Variants in SORL1 observed in about 807,000 individuals in gnomAD.
The protein encoded by SORL1 is sortilin-related receptor.
Under a neutral mutation model 273.7 loss-of-function variants are expected in SORL1, and 127 were observed. That is an observed-to-expected ratio of 0.46 (90% CI 0.40 to 0.54). The LOEUF is 0.54. SORL1 is among the 20% of genes least tolerant of loss of function. The pLI is 0.00. For missense variants in SORL1, 2,494 were observed against 2,846.1 expected, an observed-to-expected ratio of 0.88 and a Z score of 2.81; for synonymous variants, 1,031 against 1,067.4, an observed-to-expected ratio of 0.97 and a Z score of 0.66.
chr11:121,514,095 A>T (rs959825230), intron 7 of SORL1, 57 bp from the exon 8 acceptor site: 1 of 1,560,304 alleles, frequency 6.4e-7, no homozygotes, highest in Non-Finnish European at 8.7e-7. Context: ...TGTATAGTAA[A>T]AGCCCACAGG....
intron 11 of SORL1, 66 bp downstream of exon 11, chr11:121,523,055 T>A: frequency 9.2e-7 from 1 of 1,087,466 alleles, no homozygotes; most frequent in Non-Finnish European, 1.4e-6. Context: ...ATGTAGACTG[T>A]GCCTTGGCAT....
At chr11:121,606,588 A>G (rs1863476307) in intron 35 of SORL1, among the ~76,000 whole-genome samples, 1 of 152,194 alleles carries the variant, frequency 6.6e-6, no homozygotes, top group Non-Finnish European at 1.5e-5. Context: ...AAGTGATTCT[A>G]TCCTGCAGCC....
intron 5 of SORL1, among the ~76,000 whole-genome samples, chr11:121,493,476 T>C (rs618580): frequency 0.68 from 103,789 of 151,876 alleles, 37,354 homozygotes; most frequent in Non-Finnish European, 0.8. Flanking sequence ...AGGCTGGTCT[T>C]GAACTCCCAA....
rs141251173 is a variant in SORL1, at chr11:121,499,684, G to T, written c.939+2635G>T. Among the ~76,000 whole-genome samples, 27 of 152,312 alleles carry T rather than the reference G, an allele frequency of 1.8e-4. 1 individual carries two copies. Among genetic ancestry groups the T allele is most frequent in the Admixed American group, 1.4e-3 (22 of 15,302 alleles). On this transcript the variant is annotated intron_variant, in intron 6 of 47. Coordinates refer to ENST00000260197, the MANE Select transcript of SORL1 (RefSeq NM_003105.6). Reference sequence around the variant, plus strand: ...CTAAACGACAAGGATAAACAAAGTTGGCCTCGGTCAGATAATCCCCTCCCA... The same window carrying T: ...CTAAACGACAAGGATAAACAAAGTTTGCCTCGGTCAGATAATCCCCTCCCA...
At chr11:121,476,569 TTGTC>T (rs1222710766) in intron 2 of SORL1, among the ~76,000 whole-genome samples, 8 of 152,352 alleles carry the variant, frequency 5.3e-5, no homozygotes, top group South Asian at 4.1e-4. Context: ...TTATTAGTCT[TTGTC>T]TGTCTGGTGT....
In SORL1 at chr11:121,605,438, C is replaced by G. The variant is rs1863454605; in HGVS notation, c.4815C>G (p.Thr1605=). The part of the protein sequence containing the change: ...VGESIWKTLE[T]HSNKTNTVLK... ...AGAGCATATGGAAGACTCTGGAGAC[C>G]CACAGCAATAAGACAAACACTGTAT... The change falls in exon 35 of 48, where the codon ACC becomes ACG. Residue 1605 remains threonine, a synonymous_variant. Transcript: ENST00000260197. The G allele has an allele frequency of 1.2e-6, 2 of 1,613,702 alleles. No homozygotes were observed. Among genetic ancestry groups the G allele is most frequent in the African/African-American group, 2.7e-5 (2 of 74,954 alleles).
Position 121,520,859 on chromosome 11 carries a change from C to A in SORL1, c.1404+10C>A. 1 of 1,558,896 alleles carries A rather than the reference C, an allele frequency of 6.4e-7. No homozygotes were observed. Among genetic ancestry groups the A allele is most frequent in the South Asian group, 1.2e-5 (1 of 82,708 alleles). On this transcript the variant is annotated intron_variant, in intron 9 of 47. Transcript: ENST00000260197. ...GAAAATCAATTGTGAGGTATTGATG[C>A]TTTAATCTTCTTTTGCTTTTTAATA...
chr11:121,472,256 A>T (rs1208109062), intron 2 of SORL1, among the ~76,000 whole-genome samples: 2 of 152,216 alleles, frequency 1.3e-5, no homozygotes, highest in Non-Finnish European at 2.9e-5. Flanking sequence ...CACAGGAGAT[A>T]TATATACTGT....
At chr11:121,606,803 C>A in intron 35 of SORL1, 42 bp from the exon 36 acceptor site, 1 of 1,349,018 alleles carries the variant, frequency 7.4e-7, no homozygotes, top group Non-Finnish European at 1.0e-6. Context: ...TGGTTGGCTG[C>A]TATGCAGATG....
intron 16 of SORL1, among the ~76,000 whole-genome samples, chr11:121,553,663 T>G (rs1343909836): frequency 3.3e-5 from 5 of 152,192 alleles, no homozygotes; most frequent in Non-Finnish European, 7.3e-5. Context: ...TGTTGAAGCA[T>G]GCATATTGGG....
At chr11:121,470,204 A>G in intron 2 of SORL1, 81 bp downstream of exon 2, 1 of 882,714 alleles carries the variant, frequency 1.1e-6, no homozygotes, top group Non-Finnish European at 1.9e-6. Flanking sequence ...TCATACTGGA[A>G]AAAGTAGTGG....
chr11:121,539,033 G>A (rs555635168), intron 12 of SORL1, among the ~76,000 whole-genome samples: 1 of 152,184 alleles, frequency 6.6e-6, no homozygotes, highest in African/African-American at 2.4e-5. Flanking sequence ...AAATTTGGCA[G>A]ATTCGCCTTC....
chr11:121,542,923 A>C (rs1037593109), intron 12 of SORL1, among the ~76,000 whole-genome samples: 3 of 151,416 alleles, frequency 2.0e-5, no homozygotes, highest in Admixed American at 2.0e-4. Flanking sequence ...CATGACTGTA[A>C]TCCCAGCACT....
chr11:121,458,629 A>G (rs2134765740), intron 1 of SORL1, among the ~76,000 whole-genome samples: 1 of 152,324 alleles, frequency 6.6e-6, no homozygotes, highest in South Asian at 2.1e-4. Flanking sequence ...CGTACATGCA[A>G]AAATCAATTT....
intron 12 of SORL1, among the ~76,000 whole-genome samples, chr11:121,539,007 G>C (rs908868812): frequency 6.6e-6 from 1 of 152,268 alleles, no homozygotes; most frequent in Admixed American, 6.5e-5. Flanking sequence ...TATACAATTA[G>C]CCTTTTACCC....
At chr11:121,479,944 A>G (rs772136494) in intron 3 of SORL1, among the ~76,000 whole-genome samples, 23 of 152,222 alleles carry the variant, frequency 1.5e-4, no homozygotes, top group Non-Finnish European at 3.2e-4. Context: ...TAGACGGGTC[A>G]GCCAGCCTTT....
intron 1 of SORL1, among the ~76,000 whole-genome samples, chr11:121,463,844 G>A (rs57155104): frequency 0.11 from 16,877 of 152,178 alleles, 1,094 homozygotes; most frequent in African/African-American, 0.18. Flanking sequence ...GCTAAATATA[G>A]TGAGAACACA....
chr11:121,590,417 T>G, intron 30 of SORL1: 1 of 511,256 alleles, frequency 2.0e-6, no homozygotes, highest in Non-Finnish European at 3.5e-6. Context: ...GCCTTCCTAC[T>G]CAAAGTATGG....
At chr11:121,457,038 G>T (rs563973225) in intron 1 of SORL1, among the ~76,000 whole-genome samples, 2 of 152,340 alleles carry the variant, frequency 1.3e-5, no homozygotes, top group Admixed American at 6.5e-5. Context: ...TTATGTAGCT[G>T]AAGAGTTGCT....
Sources: gnomAD v4.1 joint callset for allele counts (sites outside exome capture counted in the v4.1 genomes callset) on GRCh38, gnomAD v4.1.1 for gene constraint, MANE v1.5 for transcripts, NCBI Gene and HGNC (gene_info 2026-07-23, HGNC 2026-07-21) for gene names.